CFAP92: variants seen among roughly 807,000 people sequenced by gnomAD.
The protein encoded by CFAP92 is uncharacterized protein CFAP92.
A neutral mutation model predicts 106.3 loss-of-function variants in CFAP92; 86 were observed. The ratio of observed to expected loss-of-function variants is 0.81; its 90% CI spans 0.68 to 0.97. The LOEUF (loss-of-function observed/expected upper bound fraction) is 0.97, where lower values mean the gene tolerates loss of function less well. Ranked by LOEUF, CFAP92 falls within the 50% of genes least tolerant of loss-of-function variation. The probability of loss-of-function intolerance (pLI) is 0.00; values close to 1 mark genes in which losing one functional copy is unlikely to be tolerated. For synonymous variants in CFAP92, 477 were observed against 506.4 expected, an observed-to-expected ratio of 0.94 and a Z score of 0.78; for missense variants, 1,204 against 1,283.8, an observed-to-expected ratio of 0.94 and a Z score of 0.95.
intron 7 of CFAP92, among the ~76,000 whole-genome samples, chr3:128,973,946 C>T (rs1045381919): frequency 3.3e-5 from 5 of 152,206 alleles, no homozygotes; most frequent in Admixed American, 1.3e-4. Context: ...TTCATGTGAA[C>T]TTTCCTATCT....
intron 12 of CFAP92, among the ~76,000 whole-genome samples, chr3:128,927,117 TAG>T (rs561204564): frequency 1.2e-4 from 19 of 152,002 alleles, no homozygotes; most frequent in African/African-American, 4.1e-4. Flanking sequence ...AGAGAGATAT[TAG>T]AGACTCTCTC....
intron 7 of CFAP92, among the ~76,000 whole-genome samples, chr3:128,974,935 A>G (rs569223693): frequency 1.3e-5 from 2 of 151,708 alleles, no homozygotes; most frequent in South Asian, 2.1e-4. Flanking sequence ...CCTGGCTAAC[A>G]TGGTGAAACC....
the CFAP92 span, among the ~76,000 whole-genome samples, chr3:129,022,807 C>T: frequency 3.9e-5 from 6 of 152,324 alleles, no homozygotes; most frequent in South Asian, 8.3e-4. Flanking sequence ...CCATGGCTCC[C>T]GAAAGACAGT....
At chr3:128,933,282 T>C (rs1051451771) in intron 11 of CFAP92, among the ~76,000 whole-genome samples, 6 of 152,134 alleles carry the variant, frequency 3.9e-5, no homozygotes, top group Non-Finnish European at 8.8e-5. Context: ...CCTCCTCCCA[T>C]ACCCCATCGG....
In CFAP92 at chr3:128,910,626, C is replaced by T. The variant is rs1469927758; in HGVS notation, c.3281-293G>A. 2.6e-6 allele frequency: 3 copies of T among 1,142,028 alleles called. No homozygotes were observed. The African/African-American group carries it at 4.6e-5, about 17-fold the overall frequency. The allele number at this position is 1,142,028 out of a possible 1,614,324, so 70.7% of individuals were successfully genotyped here. On this transcript the variant is annotated intron_variant, in intron 15 of 15. Transcript: ENST00000645291. ...ACCCAAGACGGGGTGACTCCTGTGCCAGGCCTTGTGACCCCTGCCATGCTA... is the reference window on the plus strand; with the variant it reads ...ACCCAAGACGGGGTGACTCCTGTGCTAGGCCTTGTGACCCCTGCCATGCTA...
chr3:128,976,904 C>A, intron 6 of CFAP92, 75 bp downstream of exon 6: 1 of 1,190,002 alleles, frequency 8.4e-7, no homozygotes, highest in South Asian at 1.2e-5. Context: ...TACTAAAAAA[C>A]CTACCACGAC....
chr3:129,009,026 G>C, the CFAP92 span, among the ~76,000 whole-genome samples: 1 of 151,354 alleles, frequency 6.6e-6, no homozygotes, highest in Non-Finnish European at 1.5e-5. Flanking sequence ...GGCGGGGCGG[G>C]AATCTGTTGC....
chr3:128,947,481 C>A (rs1438054400), intron 9 of CFAP92, among the ~76,000 whole-genome samples: 2 of 152,170 alleles, frequency 1.3e-5, no homozygotes, highest in Non-Finnish European at 2.9e-5. Flanking sequence ...AACCACTTCA[C>A]CCATTTTTAC....
In CFAP92 at chr3:129,002,305, C is replaced by T. The variant is rs1389695809; in HGVS notation, n.117+269G>A. The T allele has an allele frequency of 2.0e-6, 3 of 1,525,634 alleles. No individual in the cohort carries two copies. The South Asian group carries it at 3.6e-5, about 18-fold the overall frequency. 94.5% of individuals were successfully genotyped at this position (1,525,634 alleles called of 1,614,324 possible). ...CGCGCCGCGCTGCAGAGCAGTGATG[C>T]GCGCTGCCTAGCACTGCAGGTGCGC... On this transcript the variant is annotated intron_variant and non_coding_transcript_variant, in intron 1 of 4. Coordinates refer to the CFAP92 transcript ENST00000510149.
At chr3:128,924,004 G>C (rs1476116404) in intron 12 of CFAP92, among the ~76,000 whole-genome samples, 1 of 152,184 alleles carries the variant, frequency 6.6e-6, no homozygotes, top group Non-Finnish European at 1.5e-5. Flanking sequence ...TAATAATTAT[G>C]TGTTTGTGCT....
intron 9 of CFAP92, among the ~76,000 whole-genome samples, chr3:128,961,036 CAAG>C (rs201032492): frequency 0.039 from 5,934 of 152,234 alleles, 294 homozygotes; most frequent in African/African-American, 0.11. Context: ...CCTGTGTGCT[CAAG>C]AACTTAAAAC....
chr3:128,953,515 A>C (rs1359228969), intron 9 of CFAP92, among the ~76,000 whole-genome samples: 1 of 150,342 alleles, frequency 6.7e-6, no homozygotes, highest in East Asian at 1.9e-4. Flanking sequence ...ACTCTGTCTC[A>C]AGAAAATAAA....
chr3:128,990,159 T>C (rs545914588), intron 2 of CFAP92, among the ~76,000 whole-genome samples: 16 of 152,374 alleles, frequency 1.1e-4, no homozygotes, highest in Non-Finnish European at 1.9e-4. Flanking sequence ...TATAATGGAA[T>C]ACTGTTAATA....
chr3:128,996,156 T>C (rs141565199), upstream of CFAP92, among the ~76,000 whole-genome samples: 16 of 152,282 alleles, frequency 1.1e-4, no homozygotes, highest in Non-Finnish European at 2.1e-4. Flanking sequence ...ATGAAACTGT[T>C]GTGACTGACG....
chr3:128,932,406 T>A (rs1938501831), intron 12 of CFAP92, among the ~76,000 whole-genome samples: 1 of 143,788 alleles, frequency 7.0e-6, no homozygotes, highest in Non-Finnish European at 1.5e-5. Context: ...CATGCCACAG[T>A]TCTTTCTCTA....
At chr3:128,963,021 T>C (rs528266317) in intron 9 of CFAP92, among the ~76,000 whole-genome samples, 1 of 152,234 alleles carries the variant, frequency 6.6e-6, no homozygotes, top group Non-Finnish European at 1.5e-5. Flanking sequence ...AGACTGACCC[T>C]GACACCCATT....
intron 9 of CFAP92, among the ~76,000 whole-genome samples, chr3:128,948,543 T>C (rs1227579524): frequency 5.5e-5 from 7 of 127,854 alleles, no homozygotes; most frequent in Admixed American, 7.9e-5. Flanking sequence ...TTTTTTTTTT[T>C]CCCTGAGACA....
intron 12 of CFAP92, among the ~76,000 whole-genome samples, chr3:128,930,790 A>G (rs1245026835): frequency 6.6e-6 from 1 of 152,174 alleles, no homozygotes; most frequent in Non-Finnish European, 1.5e-5. Context: ...GTTATGTGGC[A>G]TTAACAAAAT....
intron 4 of CFAP92, among the ~76,000 whole-genome samples, chr3:128,981,532 T>A (rs951682718): frequency 2.6e-5 from 4 of 151,570 alleles, no homozygotes; most frequent in African/African-American, 9.7e-5. Flanking sequence ...GGTTTCACTA[T>A]GTTGGCCACA....
Sources: allele counts gnomAD v4.1 joint callset (sites outside exome capture counted in the v4.1 genomes callset), GRCh38; gene constraint gnomAD v4.1.1; transcripts MANE v1.5; gene names NCBI Gene and HGNC (gene_info 2026-07-23, HGNC 2026-07-21).